Variants in MALRD1 observed in about 807,000 individuals in gnomAD.
The protein encoded by MALRD1 is MAM and LDL receptor class A domain containing 1.
A neutral mutation model predicts 242.1 loss-of-function variants in MALRD1; 247 were observed. That is an observed-to-expected ratio of 1.02 (90% CI 0.92 to 1.13). The LOEUF (loss-of-function observed/expected upper bound fraction) is 1.13. MALRD1 is among the 50% of genes most tolerant of loss of function. The probability of loss-of-function intolerance (pLI) is 0.00; values close to 1 mark genes in which losing one functional copy is unlikely to be tolerated. For synonymous variants in MALRD1, 995 were observed against 866.6 expected (o/e 1.15, Z -2.60); for missense variants, 2,989 against 2,533.1 (o/e 1.18, Z -3.86).
chr10:19,730,608 A>C (rs1835248922), intron 38 of MALRD1, 98 bp from the exon 39 acceptor site: 1 of 1,179,652 alleles, frequency 8.5e-7, no homozygotes, highest in Non-Finnish European at 1.2e-6. Flanking sequence ...CTGGCTAGAC[A>C]ACATGTCTCT....
At position 19,696,453 on chromosome 10, in the gene MALRD1, C is replaced by A. The variant is rs182289527; in HGVS notation, c.6314+3899C>A. Among the ~76,000 whole-genome samples, 239 of 152,226 alleles carry A rather than the reference C, an allele frequency of 1.6e-3. 1 individual carries two copies. The highest frequency in any genetic ancestry group is 5.2e-3 in the African/African-American group (218 of 41,534). On this transcript the variant is annotated intron_variant, in intron 38 of 39. Coordinates refer to ENST00000454679, the MANE Select transcript of MALRD1 (RefSeq NM_001142308.3). ...AGAGCAAAGGATAATTCACTGTTTT[C>A]CTTGATGTCAAATTATACAACCGCC...
At chr10:19,719,164 A>T (rs1053911150) in intron 38 of MALRD1, among the ~76,000 whole-genome samples, 1 of 92,494 alleles carries the variant, frequency 1.1e-5, no homozygotes, top group Non-Finnish European at 1.9e-5. Flanking sequence ...TTATATATAT[A>T]TATATACATA....
At chr10:19,489,789 C>T (rs1221324765) in intron 29 of MALRD1, among the ~76,000 whole-genome samples, 1 of 152,192 alleles carries the variant, frequency 6.6e-6, no homozygotes, top group Admixed American at 6.5e-5. Context: ...TAAATTACTT[C>T]TATTCCCATG....
intron 8 of MALRD1, among the ~76,000 whole-genome samples, chr10:19,132,435 A>G (rs997802018): frequency 5.9e-5 from 9 of 152,224 alleles, no homozygotes; most frequent in African/African-American, 2.2e-4. Context: ...TGAATAAGTA[A>G]TGAAGTAAAT....
In MALRD1 at chr10:19,064,508, C is replaced by CTTTTTTT. The variant is rs569891101; in HGVS notation, c.200-2206_200-2200dup. ...GGCAGTTATTAGAAGTTCAGGATTGCTTTTTTTTTTTGGTAAGAATTAATT... is the reference window on the plus strand; with the variant it reads ...GGCAGTTATTAGAAGTTCAGGATTGCTTTTTTTTTTTTTTTTTTGGTAAGAATTAATT... On this transcript the variant is annotated intron_variant, in intron 1 of 39. Coordinates refer to ENST00000454679, the MANE Select transcript of MALRD1 (RefSeq NM_001142308.3). 4.9e-5 allele frequency among the ~76,000 whole-genome samples: 7 copies of CTTTTTTT among 142,304 alleles called. No individual in the cohort carries two copies. The South Asian group carries it at 1.4e-3, about 27-fold the overall frequency. 93.4% of individuals were successfully genotyped at this position (142,304 alleles called of 152,430 possible).
intron 19 of MALRD1, among the ~76,000 whole-genome samples, chr10:19,262,757 A>G (rs146051320): frequency 1.3e-5 from 2 of 152,078 alleles, no homozygotes; most frequent in African/African-American, 2.4e-5. Context: ...TCTTCGGATA[A>G]CTGAAAATTT....
chr10:19,589,124 G>C (rs773952219), intron 33 of MALRD1, among the ~76,000 whole-genome samples: 2 of 152,128 alleles, frequency 1.3e-5, no homozygotes, highest in Non-Finnish European at 1.5e-5. Flanking sequence ...TAAGAGAAAA[G>C]TATCACATAC....
rs1837184199 is a variant in MALRD1, at chr10:19,124,546, A to G, written c.819A>G (p.Glu273=). 8.1e-7 allele frequency: 1 copy of G among 1,233,682 alleles called. No homozygotes were observed. Among genetic ancestry groups the G allele is most frequent in the Non-Finnish European group, 1.0e-6 (1 of 988,112 alleles). 76.4% of individuals were successfully genotyped at this position (1,233,682 alleles called of 1,614,324 possible). The change falls in exon 7 of 40, where the codon GAA becomes GAG. Residue 273 remains glutamate (E), a synonymous_variant. Coordinates refer to ENST00000454679, the MANE Select transcript of MALRD1 (RefSeq NM_001142308.3). ...ELRLCQACGF[E]FDMCEWTSEA... is the part of the protein sequence containing the mutation. ...TAGTGTGTCAGGCCTGTGGGTTTGA[A>G]TTTGACATGTGTGAGTGGACGTCAG...
At chr10:19,707,892 T>A (rs113275937) in intron 38 of MALRD1, among the ~76,000 whole-genome samples, 1 of 113,814 alleles carries the variant, frequency 8.8e-6, no homozygotes, top group African/African-American at 2.7e-5. Flanking sequence ...AGGAGGCAAA[T>A]GTTGTAGTGA....
At chr10:19,308,507 G>A (rs1018040165) in intron 21 of MALRD1, among the ~76,000 whole-genome samples, 19 of 151,458 alleles carry the variant, frequency 1.3e-4, no homozygotes, top group African/African-American at 4.4e-4. Flanking sequence ...CTTGGCCTAG[G>A]GGGAGTCTTA....
chr10:19,494,753 TTC>T (rs1319486477), intron 30 of MALRD1, among the ~76,000 whole-genome samples: 1 of 151,990 alleles, frequency 6.6e-6, no homozygotes, highest in South Asian at 2.1e-4. Flanking sequence ...AATGAAAAAA[TTC>T]TCTCAGAAAT....
chr10:19,162,377 T>C (rs998636223), intron 12 of MALRD1, among the ~76,000 whole-genome samples: 3 of 152,182 alleles, frequency 2.0e-5, no homozygotes, highest in African/African-American at 7.2e-5. Context: ...TCTTTCTTCT[T>C]TTCTTTAATG....
intron 31 of MALRD1, among the ~76,000 whole-genome samples, chr10:19,502,021 A>AAAAAAG (rs1554787107): frequency 8.8e-6 from 1 of 114,088 alleles, no homozygotes; most frequent in African/African-American, 4.6e-5. Context: ...TCAAAAAAAA[A>AAAAAAG]AAAAGAAAAG....
At chr10:19,151,747 G>A (rs1337404347) in intron 11 of MALRD1, among the ~76,000 whole-genome samples, 1 of 152,058 alleles carries the variant, frequency 6.6e-6, no homozygotes, top group African/African-American at 2.4e-5. Flanking sequence ...TATGTTAAAA[G>A]TTTTCAGTAT....
At chr10:19,198,534 A>C (rs1325280655) in intron 14 of MALRD1, among the ~76,000 whole-genome samples, 1 of 152,170 alleles carries the variant, frequency 6.6e-6, no homozygotes, top group Admixed American at 6.6e-5. Context: ...GGGAGTCACT[A>C]TCTGTCTTTC....
intron 32 of MALRD1, among the ~76,000 whole-genome samples, chr10:19,560,446 G>T (rs1024373723): frequency 6.6e-6 from 1 of 152,106 alleles, no homozygotes; most frequent in African/African-American, 2.4e-5. Context: ...CTCCAGCCTG[G>T]CGACAGAGTG....
At chr10:19,225,296 T>C (rs967572184) in intron 18 of MALRD1, among the ~76,000 whole-genome samples, 1 of 152,122 alleles carries the variant, frequency 6.6e-6, no homozygotes, top group Non-Finnish European at 1.5e-5. Context: ...ATAATGGAGA[T>C]AAAGAAAAGT....
intron 35 of MALRD1, among the ~76,000 whole-genome samples, chr10:19,609,238 C>T (rs1838776009): frequency 6.6e-6 from 1 of 151,966 alleles, no homozygotes; most frequent in Non-Finnish European, 1.5e-5. Flanking sequence ...TTACAGTTCA[C>T]TTAGAAAGTG....
At chr10:19,354,085 G>A (rs1048378704) in intron 26 of MALRD1, among the ~76,000 whole-genome samples, 1 of 151,954 alleles carries the variant, frequency 6.6e-6, no homozygotes, top group Non-Finnish European at 1.5e-5. Flanking sequence ...AACAACTATT[G>A]AGTGGGATAC....
Sources: allele counts gnomAD v4.1 joint callset (sites outside exome capture counted in the v4.1 genomes callset), GRCh38; gene constraint gnomAD v4.1.1; transcripts MANE v1.5; gene names NCBI Gene and HGNC (gene_info 2026-07-23, HGNC 2026-07-21).